FLT1: variants seen among roughly 807,000 people sequenced by gnomAD.
FLT1 encodes fms related receptor tyrosine kinase 1.
FLT1 carries 49 observed loss-of-function variants against 156.3 expected under a neutral mutation model. The observed-to-expected ratio is 0.31, with a 90% CI of 0.25 to 0.40. FLT1 has a LOEUF of 0.40. Ranked by LOEUF, FLT1 falls within the 10% of genes least tolerant of loss-of-function variation. The pLI, the probability that FLT1 is intolerant of heterozygous loss-of-function variation, is 1.00. For missense variants in FLT1, 1,322 were observed against 1,637.2 expected (o/e 0.81, Z 3.32); for synonymous variants, 594 against 583.8 (o/e 1.02, Z -0.25).
chr13:28,337,189 A>C (rs1329499953), intron 17 of FLT1, among the ~76,000 whole-genome samples: 1 of 151,670 alleles, frequency 6.6e-6, no homozygotes, highest in African/African-American at 2.4e-5. Flanking sequence ...CTTGGATTTC[A>C]GGAATTTTAA....
In FLT1 at chr13:28,433,949, G is replaced by T; in HGVS notation, c.683C>A (p.Thr228Lys). 6.2e-7 allele frequency: 1 copy of T among 1,614,136 alleles called. No homozygotes were observed. The highest frequency in any genetic ancestry group is 1.1e-5 in the South Asian group (1 of 91,080). ...TNYLTHRQTN[T>K]IIDVQISTPR... ...TGTGCTTATTTGGACATCTATGATTGTATTGGCTGCAAGCATAAGAGAGAA... is the reference window on the plus strand; with the variant it reads ...TGTGCTTATTTGGACATCTATGATTTTATTGGCTGCAAGCATAAGAGAGAA... The change falls in exon 6 of 30, where the codon ACA becomes AAA. Residue 228 changes from threonine to lysine, a missense_variant. Physicochemically the swap from Thr to Lys is moderately conservative, Grantham distance 78 (BLOSUM62 -1). Around this residue, in one of 3 missense-constraint regions of FLT1, gnomAD observed 991 missense variants for 1,254.8 expected, o/e 0.79. Transcript: ENST00000282397.
At chr13:28,349,180 A>G (rs1289499533) in intron 15 of FLT1, among the ~76,000 whole-genome samples, 1 of 152,192 alleles carries the variant, frequency 6.6e-6, no homozygotes, top group African/African-American at 2.4e-5. Context: ...TGCCTGGCAT[A>G]TAGTAGACAT....
chr13:28,352,806 C>A (rs1389634084), intron 15 of FLT1, among the ~76,000 whole-genome samples: 1 of 152,136 alleles, frequency 6.6e-6, no homozygotes, highest in African/African-American at 2.4e-5. Flanking sequence ...TTTCTCAGTG[C>A]CAGGATAGTC....
At chr13:28,360,651 G>A (rs1873079663) in intron 14 of FLT1, among the ~76,000 whole-genome samples, 2 of 152,190 alleles carry the variant, frequency 1.3e-5, no homozygotes, top group Non-Finnish European at 2.9e-5. Context: ...ACTCATAGAT[G>A]TAGAGAGTAG....
chr13:28,316,073 C>G (rs1871189138), intron 25 of FLT1, among the ~76,000 whole-genome samples: 1 of 152,234 alleles, frequency 6.6e-6, no homozygotes, highest in Admixed American at 6.5e-5. Flanking sequence ...CTCTCAGAAA[C>G]AGGCCTTGCC....
intron 3 of FLT1, among the ~76,000 whole-genome samples, chr13:28,440,409 T>C (rs143308350): frequency 1.7e-3 from 264 of 152,302 alleles, no homozygotes; most frequent in Admixed American, 3.1e-3. Flanking sequence ...GCCCCTTCCC[T>C]GGCGGCACCC....
rs1231068056 is a variant in FLT1, at chr13:28,300,517, A to ACACCCACACACC, written c.*2649_*2650insGGTGTGTGGGTG. 13 of 109,922 alleles carry ACACCCACACACC rather than the reference A, an allele frequency of 1.2e-4. No individual in the cohort carries two copies. Among genetic ancestry groups the ACACCCACACACC allele is most frequent in the African/African-American group, 8.7e-4 (13 of 14,912 alleles). The allele number at this position is 109,922 out of a possible 1,614,324, so 6.8% of individuals were successfully genotyped here. On this transcript the variant is annotated 3_prime_UTR_variant, in exon 30 of 30. Transcript: ENST00000282397. ...AAATAGTTATGCACAAAACACACAT[A>ACACCCACACACC]CACCCACACACACACACACACACAC... is the stretch of plus-strand genomic sequence containing the variant.
intron 25 of FLT1, 145 bp downstream of exon 25, chr13:28,317,353 G>C: frequency 2.8e-6 from 2 of 709,334 alleles, no homozygotes; most frequent in Non-Finnish European, 5.1e-6. Context: ...GGCCTGATGG[G>C]CTGAGGGGAG....
At chr13:28,381,540 C>T (rs1189093511) in intron 14 of FLT1, among the ~76,000 whole-genome samples, 1 of 152,166 alleles carries the variant, frequency 6.6e-6, no homozygotes, top group Non-Finnish European at 1.5e-5. Context: ...GCCTGGGCGA[C>T]AGAGCAAGAC....
In FLT1 at chr13:28,357,584, C is replaced by T. The variant is rs761815840; in HGVS notation, c.2218G>A (p.Val740Met). ...ACAGTGAGGTATGCTGAACTTTCCA[C>T]AGAGCCCTTCTGGTTGGTGGCTTTG... is the stretch of plus-strand genomic sequence containing the variant. ...HCKATNQKGSVESSAYLTVQG... is the reference protein window; with the variant it reads ...HCKATNQKGSMESSAYLTVQG... The change falls in exon 15 of 30, where the codon GTG (valine) becomes ATG (methionine). Residue 740 changes from valine to methionine, a missense_variant. Val to Met is a conservative substitution (Grantham distance 21). Transcript: ENST00000282397. 5 of 1,614,166 alleles carry T rather than the reference C, an allele frequency of 3.1e-6. No homozygotes were observed. Among genetic ancestry groups the T allele is most frequent in the Admixed American group, 1.7e-5 (1 of 60,020 alleles).
At chr13:28,382,476 G>A (rs1565994913) in intron 14 of FLT1, among the ~76,000 whole-genome samples, 1 of 152,226 alleles carries the variant, frequency 6.6e-6, no homozygotes, top group African/African-American at 2.4e-5. Flanking sequence ...CTTCATCGAA[G>A]TGTGTTAGGG....
At chr13:28,412,588 A>G (rs1031004743) in intron 10 of FLT1, among the ~76,000 whole-genome samples, 2 of 150,496 alleles carry the variant, frequency 1.3e-5, no homozygotes, top group Non-Finnish European at 3.0e-5. Context: ...CGTCTGGCTA[A>G]TTTTTGTATT....
chr13:28,318,115 C>T lies in FLT1; in HGVS notation c.3287-518G>A, dbSNP rs771101462. Among the ~76,000 whole-genome samples the T allele has an allele frequency of 7.7e-4, 117 of 152,150 alleles. 1 individual carries two copies. The highest frequency in any genetic ancestry group is 1.0e-3 in the Non-Finnish European group (70 of 68,036). ...CTGGGACTCCAGGTGCTCACCATCA[C>T]CACACTTGGCTTGGGCTTCTTTTTA... On this transcript the variant is annotated intron_variant, in intron 24 of 29. Coordinates refer to ENST00000282397, the MANE Select transcript of FLT1 (RefSeq NM_002019.4).
chr13:28,404,923 G>A (rs1040617077), intron 11 of FLT1, among the ~76,000 whole-genome samples: 2 of 150,902 alleles, frequency 1.3e-5, no homozygotes, highest in Non-Finnish European at 2.9e-5. Context: ...GGGAGGCTGA[G>A]ACAGGAGAAT....
intron 3 of FLT1, among the ~76,000 whole-genome samples, chr13:28,441,509 T>C (rs1878332084): frequency 1.3e-5 from 2 of 152,250 alleles, no homozygotes; most frequent in Non-Finnish European, 2.9e-5. Context: ...ATCAAGTTGC[T>C]GTAGACCCAT....
intron 1 of FLT1, among the ~76,000 whole-genome samples, chr13:28,477,375 A>T (rs1486219793): frequency 6.6e-6 from 1 of 152,216 alleles, no homozygotes; most frequent in Non-Finnish European, 1.5e-5. Flanking sequence ...TTTTCCCAAA[A>T]AATGCTCTAC....
chr13:28,305,501 C>T (rs1462250142), intron 29 of FLT1, among the ~76,000 whole-genome samples: 2 of 152,210 alleles, frequency 1.3e-5, no homozygotes, highest in East Asian at 3.8e-4. Context: ...GCCACCACAC[C>T]CAGCCCCTCA....
chr13:28,358,075 G>C (rs1203692456), intron 14 of FLT1, among the ~76,000 whole-genome samples: 1 of 152,076 alleles, frequency 6.6e-6, no homozygotes, highest in African/African-American at 2.4e-5. Context: ...CGCCCTCTGT[G>C]TGCTCGGCAC....
intron 3 of FLT1, among the ~76,000 whole-genome samples, chr13:28,456,520 G>A (rs1435642788): frequency 3.3e-5 from 5 of 152,200 alleles, no homozygotes; most frequent in Admixed American, 6.5e-5. Context: ...TTTGCCGGCC[G>A]GGCACAGTGG....
Sources: allele counts gnomAD v4.1 joint callset (sites outside exome capture counted in the v4.1 genomes callset), GRCh38; gene constraint gnomAD v4.1.1; regional missense constraint gnomAD v4.1.1; transcripts MANE v1.5; gene names NCBI Gene and HGNC (gene_info 2026-07-23, HGNC 2026-07-21).